MSRA: variants seen among roughly 807,000 people sequenced by gnomAD.
MSRA encodes methionine sulfoxide reductase A.
A neutral mutation model predicts 31.3 loss-of-function variants in MSRA; 54 were observed. The observed-to-expected ratio is 1.73, with a 90% CI of 1.39 to 2.17. MSRA has a LOEUF of 2.17. Ranked by LOEUF, MSRA falls within the 30% of genes most tolerant of loss-of-function variation. The probability of loss-of-function intolerance (pLI) is 0.00; values close to 1 mark genes in which losing one functional copy is unlikely to be tolerated. For missense variants in MSRA, 507 were observed against 300.9 expected (o/e 1.69, Z -5.07); for synonymous variants, 169 against 116.5 (o/e 1.45, Z -2.90).
At chr8:10,364,334 G>A (rs1195484923) in intron 5 of MSRA, among the ~76,000 whole-genome samples, 8 of 152,160 alleles carry the variant, frequency 5.3e-5, no homozygotes, top group East Asian at 1.9e-4. Context: ...CTCCTGGGGC[G>A]TCAAAGGTGT....
rs552958027 is a variant in MSRA at position 10,420,580 on chromosome 8, C to T, written c.544-7568C>T. On this transcript the variant is annotated intron_variant, in intron 5 of 5. Transcript: ENST00000317173. ...CTCACCTTACACAGCTAGGATGATG[C>T]GGGCCTCTTTCCATATGGTCTCGGA... 7.9e-5 allele frequency among the ~76,000 whole-genome samples: 12 copies of T among 152,176 alleles called. No homozygotes were observed. In the South Asian group the frequency reaches 8.3e-4, roughly 11 times the overall value.
At chr8:10,311,073 C>T (rs11782293) in intron 4 of MSRA, among the ~76,000 whole-genome samples, 29,651 of 152,112 alleles carry the variant, frequency 0.19, 3,735 homozygotes, top group Non-Finnish European at 0.29. Flanking sequence ...AGAAGAATTA[C>T]TAGACTTCAC....
At chr8:10,185,178 C>G (rs1336896375) in intron 1 of MSRA, among the ~76,000 whole-genome samples, 1 of 152,034 alleles carries the variant, frequency 6.6e-6, no homozygotes, top group Non-Finnish European at 1.5e-5. Flanking sequence ...GAATGCGAAT[C>G]CCCCTGTGGA....
At chr8:10,113,786 G>A (rs1157716162) in intron 1 of MSRA, among the ~76,000 whole-genome samples, 1 of 151,448 alleles carries the variant, frequency 6.6e-6, no homozygotes, top group South Asian at 2.1e-4. Context: ...TTAAAAAAAA[G>A]ATTATTAATT....
intron 3 of MSRA, among the ~76,000 whole-genome samples, chr8:10,248,604 G>T (rs1217438627): frequency 1.3e-5 from 2 of 152,200 alleles, no homozygotes; most frequent in East Asian, 1.9e-4. Context: ...AGCAGTGTGT[G>T]TCCAGAGAGG....
At chr8:10,244,810 C>T (rs1053471445) in intron 2 of MSRA, among the ~76,000 whole-genome samples, 3 of 152,010 alleles carry the variant, frequency 2.0e-5, no homozygotes, top group Non-Finnish European at 4.4e-5. Flanking sequence ...ATAGTTACCC[C>T]CTTACTGTGT....
At position 10,264,514 on chromosome 8, in the gene MSRA, G is replaced by C. The variant is rs534048708; in HGVS notation, c.331+19291G>C. On this transcript the variant is annotated intron_variant, in intron 3 of 5. Coordinates refer to ENST00000317173, the MANE Select transcript of MSRA (RefSeq NM_012331.5). Reference sequence around the variant, plus strand: ...TTGTTTATCAGAACGATGGCTGCCTGGGCTAAAGCCAGTGCTGCCAGGCAA... The same window carrying C: ...TTGTTTATCAGAACGATGGCTGCCTCGGCTAAAGCCAGTGCTGCCAGGCAA... 2.0e-5 allele frequency among the ~76,000 whole-genome samples: 3 copies of C among 152,294 alleles called. No homozygotes were observed. In the South Asian group the frequency reaches 6.2e-4, roughly 32 times the overall value.
intron 5 of MSRA, among the ~76,000 whole-genome samples, chr8:10,328,498 C>A (rs960349192): frequency 6.6e-6 from 1 of 152,100 alleles, no homozygotes; most frequent in Non-Finnish European, 1.5e-5. Flanking sequence ...CTTACCTCTC[C>A]ATGATTATGA....
chr8:10,203,337 C>G (rs1241944633), intron 1 of MSRA, among the ~76,000 whole-genome samples: 1 of 152,078 alleles, frequency 6.6e-6, no homozygotes, highest in African/African-American at 2.4e-5. Flanking sequence ...GCTGGGGAAA[C>G]TATTTCTGAG....
intron 5 of MSRA, among the ~76,000 whole-genome samples, chr8:10,425,990 C>A (rs938419246): frequency 6.6e-6 from 1 of 152,216 alleles, no homozygotes; most frequent in Non-Finnish European, 1.5e-5. Flanking sequence ...TGGCACCCCC[C>A]ACAGACGTCG....
chr8:10,211,243 A>G (rs1205597822), intron 2 of MSRA, among the ~76,000 whole-genome samples: 3 of 152,206 alleles, frequency 2.0e-5, no homozygotes, highest in Non-Finnish European at 2.9e-5. Context: ...GGTCATATCA[A>G]GGGATCAGAG....
chr8:10,251,674 C>T (rs1797922994), intron 3 of MSRA, among the ~76,000 whole-genome samples: 1 of 152,146 alleles, frequency 6.6e-6, no homozygotes. Context: ...GCTCACCCAA[C>T]CATCTTCCCC....
intron 1 of MSRA, among the ~76,000 whole-genome samples, chr8:10,151,107 G>T (rs1803625763): frequency 6.6e-6 from 1 of 151,622 alleles, no homozygotes; most frequent in African/African-American, 2.4e-5. Context: ...GGGGAGGGAG[G>T]ATCCATGCCT....
chr8:10,219,806 C>CAAAAAAA (rs59393980), intron 2 of MSRA, among the ~76,000 whole-genome samples: 5,808 of 56,866 alleles, frequency 0.1, 1,043 homozygotes, highest in East Asian at 0.29. Flanking sequence ...ACTCTGTCTC[C>CAAAAAAA]AAAAAAAAAA....
At chr8:10,298,772 A>G (rs1401571258) in intron 3 of MSRA, among the ~76,000 whole-genome samples, 1 of 152,172 alleles carries the variant, frequency 6.6e-6, no homozygotes, top group Non-Finnish European at 1.5e-5. Flanking sequence ...ACTTCATCTT[A>G]TGAGTATACC....
At chr8:10,244,765 G>A (rs976872609) in intron 2 of MSRA, among the ~76,000 whole-genome samples, 1 of 152,076 alleles carries the variant, frequency 6.6e-6, no homozygotes, top group Non-Finnish European at 1.5e-5. Context: ...ATTTTCTATT[G>A]ATTCAAGTTA....
At chr8:10,314,715 G>A (rs1358433000) in intron 4 of MSRA, among the ~76,000 whole-genome samples, 1 of 152,180 alleles carries the variant, frequency 6.6e-6, no homozygotes, top group Non-Finnish European at 1.5e-5. Context: ...GTTCTTTACA[G>A]CCCCAGGCTG....
chr8:10,256,933 T>C (rs1798215218), intron 3 of MSRA, among the ~76,000 whole-genome samples: 1 of 152,162 alleles, frequency 6.6e-6, no homozygotes, highest in Non-Finnish European at 1.5e-5. Context: ...CTCTCAGAGG[T>C]CTGTAGTTTG....
At chr8:10,248,688 T>A (rs1156423653) in intron 3 of MSRA, among the ~76,000 whole-genome samples, 1 of 152,018 alleles carries the variant, frequency 6.6e-6, no homozygotes, top group Non-Finnish European at 1.5e-5. Flanking sequence ...CAAATCGGAG[T>A]TGTGACTAGG....
Sources: allele counts gnomAD v4.1 joint callset (sites outside exome capture counted in the v4.1 genomes callset), GRCh38; gene constraint gnomAD v4.1.1; transcripts MANE v1.5; gene names NCBI Gene and HGNC (gene_info 2026-07-23, HGNC 2026-07-21).